The following SIGLEC1 variants were observed in gnomAD, a reference collection of about 807,000 sequenced individuals.
The protein encoded by SIGLEC1 is sialoadhesin.
SIGLEC1 carries 132 observed loss-of-function variants against 148.0 expected under a neutral mutation model. That is an observed-to-expected ratio of 0.89 (90% CI 0.77 to 1.03). The LOEUF (loss-of-function observed/expected upper bound fraction) is 1.03. SIGLEC1 is among the 50% of genes least tolerant of loss of function. The pLI is 0.00. For synonymous variants in SIGLEC1, 945 were observed against 969.0 expected, an observed-to-expected ratio of 0.98 and a Z score of 0.46; for missense variants, 2,253 against 2,271.4, an observed-to-expected ratio of 0.99 and a Z score of 0.16.
At position 3,710,839 on chromosome 20, in the gene SIGLEC1, C is replaced by T. The variant is rs1440511266; in HGVS notation, c.-110+1631G>A. On this transcript the variant is annotated intron_variant, in intron 1 of 21. Transcript: ENST00000344754. This position sits in a 1 kb window ranked among gnomAD's most constrained non-coding sequence, Gnocchi z 4.6. ...ATGTAGAGGCCACCTATGCTTAGCC[C>T]GGCCCTAACCCCAAAGGGGTCAGCC... Among the ~76,000 whole-genome samples, 1 of 152,240 alleles carries T rather than the reference C, an allele frequency of 6.6e-6. No homozygotes were observed. Among genetic ancestry groups the T allele is most frequent in the Admixed American group, 6.5e-5 (1 of 15,292 alleles).
Position 3,693,528 on chromosome 20 carries a change from C to A in SIGLEC1, c.3427G>T (p.Asp1143Tyr), listed in dbSNP as rs763761661. The change falls in exon 14 of 22, where the codon GAT (aspartate) becomes TAT (tyrosine). Residue 1143 changes from aspartate to tyrosine, a missense_variant. Asp to Tyr is a radical substitution (Grantham distance 160). Coordinates refer to ENST00000344754, the MANE Select transcript of SIGLEC1 (RefSeq NM_023068.4). Reference sequence around the variant, plus strand: ...ACACCGCAGCGGTAGGAGGTGGCATCCCTGACTGTGACGTTGGGCAGGGGG... The same window carrying A: ...ACACCGCAGCGGTAGGAGGTGGCATACCTGACTGTGACGTTGGGCAGGGGG... ...SIPLPNVTVR[D>Y]ATSYRCGVGP... The A allele has an allele frequency of 6.2e-7, 1 of 1,611,732 alleles. No individual in the cohort carries two copies. Among genetic ancestry groups the A allele is most frequent in the Non-Finnish European group, 8.5e-7 (1 of 1,179,090 alleles).
intron 6 of SIGLEC1, 65 bp from the exon 7 acceptor site, chr20:3,701,706 C>G: frequency 7.0e-7 from 1 of 1,438,680 alleles, no homozygotes; most frequent in Non-Finnish European, 9.3e-7. Context: ...TACCCTGATA[C>G]AACCCGTGAC....
chr20:3,689,929 A>C lies in SIGLEC1; in HGVS notation c.4894+33T>G, dbSNP rs1236495322. On this transcript the variant is annotated intron_variant, in intron 19 of 21. Coordinates refer to ENST00000344754, the MANE Select transcript of SIGLEC1 (RefSeq NM_023068.4). Reference sequence around the variant, plus strand: ...GCCTAAGAGCTGGGCTTTTGTGCAGAGTGGCCTGGGAGATGGAGCCCCCTC... The same window carrying C: ...GCCTAAGAGCTGGGCTTTTGTGCAGCGTGGCCTGGGAGATGGAGCCCCCTC... 1.9e-6 allele frequency: 3 copies of C among 1,570,316 alleles called. No individual in the cohort carries two copies. The African/African-American group carries it at 4.1e-5, about 21-fold the overall frequency.
intron 11 of SIGLEC1, among the ~76,000 whole-genome samples, chr20:3,695,811 T>C (rs1469134937): frequency 2.8e-5 from 3 of 107,684 alleles, no homozygotes; most frequent in Non-Finnish European, 3.7e-5. Flanking sequence ...TTTATTTGTT[T>C]AGGGAGAATT....
chr20:3,689,277 G>T, intron 20 of SIGLEC1, 50 bp from the exon 21 acceptor site: 1 of 1,500,828 alleles, frequency 6.7e-7, no homozygotes, highest in Non-Finnish European at 9.3e-7. Flanking sequence ...CCCACCTCCT[G>T]CCCCCATTCC....
rs775526370 is a variant in SIGLEC1 at position 3,707,074 on chromosome 20, G to T, written c.49+6C>A. The T allele has an allele frequency of 4.3e-6, 7 of 1,613,774 alleles. No individual in the cohort carries two copies. Among genetic ancestry groups the T allele is most frequent in the African/African-American group, 1.3e-5 (1 of 74,926 alleles). On this transcript the variant is annotated splice_donor_region_variant and intron_variant, in intron 2 of 21. Coordinates refer to ENST00000344754, the MANE Select transcript of SIGLEC1 (RefSeq NM_023068.4). ...GGAAGACAGGCACTAGGCCCGCAAA[G>T]CTTACCTGCTGGGAAGAATGAGGCC... is the stretch of plus-strand genomic sequence containing the variant.
At chr20:3,698,167 C>A in intron 8 of SIGLEC1, 34 bp from the exon 9 acceptor site, 1 of 1,520,038 alleles carries the variant, frequency 6.6e-7, no homozygotes, top group Non-Finnish European at 8.8e-7. Flanking sequence ...ACTCATCCCA[C>A]GGATGCTCCA....
chr20:3,697,180 A>G lies in SIGLEC1; in HGVS notation c.2285T>C (p.Leu762Pro). ...GGCAGCATCAGTTCTGGCCACGGGCAGCAGTGTCACGGTCTCCAGGGGACC... is the reference window on the plus strand; with the variant it reads ...GGCAGCATCAGTTCTGGCCACGGGCGGCAGTGTCACGGTCTCCAGGGGACC... ...AQGPLETVTL[L>P]PVARTDAALY... Residue 762 changes from leucine to proline, a missense_variant, in exon 10 of 22, where the codon CTG becomes CCG. Physicochemically the swap from Leu to Pro is moderately conservative, Grantham distance 98 (BLOSUM62 -3). Coordinates refer to ENST00000344754, the MANE Select transcript of SIGLEC1 (RefSeq NM_023068.4). The G allele has an allele frequency of 3.1e-6, 5 of 1,613,910 alleles. No homozygotes were observed. The highest frequency in any genetic ancestry group is 4.2e-6 in the Non-Finnish European group (5 of 1,180,036).
At chr20:3,703,748 C>A in intron 5 of SIGLEC1, 77 bp downstream of exon 5, 1 of 1,574,750 alleles carries the variant, frequency 6.4e-7, no homozygotes, top group Non-Finnish European at 8.6e-7. Flanking sequence ...CCCTGCCCTG[C>A]CCTGTCTCCC....
Position 3,696,850 on chromosome 20 carries a change from T to C in SIGLEC1, c.2419A>G (p.Met807Val), listed in dbSNP as rs1486070264. The change falls in exon 11 of 22, where the codon ATG (methionine) becomes GTG (valine). Residue 807 changes from methionine to valine, a missense_variant. Transcript: ENST00000344754. ...AACAGAGCCATGTGGCCCTGGCCCATGTCTAGGAGGGCTGACAGCTTTGGA... is the reference window on the plus strand; with the variant it reads ...AACAGAGCCATGTGGCCCTGGCCCACGTCTAGGAGGGCTGACAGCTTTGGA... ...DRPKLSALLD[M>V]GQGHMALFIC... 2 of 1,575,712 alleles carry C rather than the reference T, an allele frequency of 1.3e-6. No individual in the cohort carries two copies. The highest frequency in any genetic ancestry group is 8.6e-7 in the Non-Finnish European group (1 of 1,160,528).
At position 3,692,646 on chromosome 20, in the gene SIGLEC1, T is replaced by C; in HGVS notation, c.3905A>G (p.Gln1302Arg). 1.2e-6 allele frequency: 2 copies of C among 1,613,118 alleles called. No individual in the cohort carries two copies. Among genetic ancestry groups the C allele is most frequent in the South Asian group, 2.2e-5 (2 of 91,088 alleles). Residue 1302 changes from glutamine (Q) to arginine (R), a missense_variant, in exon 16 of 22, where the codon CAG becomes CGG. Physicochemically the swap from Gln to Arg is conservative, Grantham distance 43. Transcript: ENST00000344754. The stretch of plus-strand genomic sequence containing the variant: ...TGAGAGTGAGGCAGCTGGACCCTCC[T>C]GCAGCCAACGACCGTTGTGGTACCA... ...YTWYHNGRWL[Q>R]EGPAASLSFL...
chr20:3,697,605 C>T (rs2087813736), intron 9 of SIGLEC1, among the ~76,000 whole-genome samples, 193 bp downstream of exon 9: 1 of 152,150 alleles, frequency 6.6e-6, no homozygotes, highest in Admixed American at 6.5e-5. Context: ...CAGAGACCAG[C>T]TGTGTTGCCT....
rs376064030 is a variant in SIGLEC1, at chr20:3,691,498, G to A, written c.4433C>T (p.Thr1478Ile). The change falls in exon 18 of 22, where the codon ACC becomes ATC. Residue 1478 changes from threonine to isoleucine, a missense_variant. Coordinates refer to ENST00000344754, the MANE Select transcript of SIGLEC1 (RefSeq NM_023068.4). ...CCGGTCATTCCAGAACCATGCAAAG[G>A]TGGAGTTGCCCACAGGCCCAGGGCC... ...LGGPGPVGNS[T>I]FAWFWNDRRL... 100 of 1,613,314 alleles carry A rather than the reference G, an allele frequency of 6.2e-5. No individual in the cohort carries two copies. Among genetic ancestry groups the A allele is most frequent in the Non-Finnish European group, 8.2e-5 (97 of 1,180,016 alleles).
intron 8 of SIGLEC1, 142 bp downstream of exon 8, chr20:3,699,060 A>G: frequency 3.2e-6 from 3 of 942,164 alleles, no homozygotes; most frequent in East Asian, 2.7e-5. Context: ...CCCCACATGG[A>G]AAGACCCACT....
rs1411078604 is a variant in SIGLEC1 at position 3,703,452 on chromosome 20, C to A, written c.974-1G>T. 7 of 1,567,244 alleles carry A rather than the reference C, an allele frequency of 4.5e-6. No individual in the cohort carries two copies. The highest frequency in any genetic ancestry group is 6.1e-6 in the Non-Finnish European group (7 of 1,153,958). On this transcript the variant is annotated splice_acceptor_variant, in intron 5 of 21. Coordinates refer to ENST00000344754, the MANE Select transcript of SIGLEC1 (RefSeq NM_023068.4). LOFTEE classifies it high-confidence loss of function. ...GCTGGGCTCACCTGGACCTCAGCCA[C>A]TGCAAGGGCAGCATAGGGAGTGCTG... is the stretch of plus-strand genomic sequence containing the variant.
chr20:3,693,335 G>A, intron 14 of SIGLEC1, 112 bp downstream of exon 14: 1 of 1,286,522 alleles, frequency 7.8e-7, no homozygotes, highest in South Asian at 1.5e-5. Context: ...TGCTCCACTA[G>A]CTACTGGGTA....
chr20:3,697,470 G>A, intron 9 of SIGLEC1, 128 bp from the exon 10 acceptor site: 1 of 1,189,170 alleles, frequency 8.4e-7, no homozygotes. Flanking sequence ...AGAAAAGCAA[G>A]CTAGCTCACA....
intron 2 of SIGLEC1, among the ~76,000 whole-genome samples, 173 bp downstream of exon 2, chr20:3,706,907 G>A (rs1381991517): frequency 6.6e-6 from 1 of 152,312 alleles, no homozygotes; most frequent in East Asian, 1.9e-4. Flanking sequence ...AGGTTTGGTA[G>A]GGTGGCTCGA....
In SIGLEC1 at chr20:3,694,881, C is replaced by A. The variant is rs1395984505; in HGVS notation, c.2726G>T (p.Gly909Val). 6.2e-7 allele frequency: 1 copy of A among 1,613,158 alleles called. No homozygotes were observed. Among genetic ancestry groups the A allele is most frequent in the Non-Finnish European group, 8.5e-7 (1 of 1,179,948 alleles). The change falls in exon 12 of 22, where the codon GGC (glycine) becomes GTC (valine). Residue 909 changes from glycine to valine, a missense_variant. Transcript: ENST00000344754. ...CTGGCAGCTCAGGACCACAGCCTGG[C>A]CCTCTTGGAGCTCAGGTGATGGTGA... ...QVSPSPELQE[G>V]QAVVLSCQVH...
Sources: allele counts gnomAD v4.1 joint callset (sites outside exome capture counted in the v4.1 genomes callset), GRCh38; gene constraint gnomAD v4.1.1; non-coding constraint Gnocchi (gnomAD v3.1); transcripts MANE v1.5; gene names NCBI Gene and HGNC (gene_info 2026-07-23, HGNC 2026-07-21).